SNX8: variants seen among roughly 807,000 people sequenced by gnomAD.
The protein encoded by SNX8 is sorting nexin-8.
A neutral mutation model predicts 51.6 loss-of-function variants in SNX8; 25 were observed. The ratio of observed to expected loss-of-function variants is 0.48; its 90% confidence interval spans 0.35 to 0.68. SNX8 has a LOEUF of 0.68. SNX8 is among the 30% of genes least tolerant of loss of function. SNX8 has a pLI of 0.00. For synonymous variants in SNX8, 324 were observed against 277.0 expected, an observed-to-expected ratio of 1.17 and a Z score of -1.68; for missense variants, 695 against 624.0, an observed-to-expected ratio of 1.11 and a Z score of -1.21.
At chr7:2,271,816 G>T (rs1318599366) in intron 4 of SNX8, 34 bp downstream of exon 4, 3 of 1,572,862 alleles carry the variant, frequency 1.9e-6, no homozygotes, top group African/African-American at 1.3e-5. Context: ...GGGACTCCCC[G>T]GGGCCGGGAC....
In SNX8 at chr7:2,327,746, G is replaced by C. The variant is rs146770076; in HGVS notation, c.-66+26476C>G. Among the ~76,000 whole-genome samples, 1,080 of 151,888 alleles carry C rather than the reference G, an allele frequency of 7.1e-3. 12 individuals are homozygous for C. The highest frequency in any genetic ancestry group is 0.024 in the African/African-American group (1,003 of 41,368). On this transcript the variant is annotated intron_variant, in intron 1 of 5. Coordinates refer to the SNX8 transcript ENST00000435336. ...TTAAGTAGAGACGGGGTTTCACCGT[G>C]TTAGCCAGGATGGTCTCTATCTCCT...
intron 1 of SNX8, among the ~76,000 whole-genome samples, chr7:2,290,912 C>T (rs920387700): frequency 4.6e-5 from 7 of 152,198 alleles, no homozygotes; most frequent in East Asian, 1.9e-4. Flanking sequence ...GAAACACTGC[C>T]GCATCGTCAG....
chr7:2,338,969 G>A (rs1778876135), intron 1 of SNX8, among the ~76,000 whole-genome samples: 1 of 152,082 alleles, frequency 6.6e-6, no homozygotes, highest in South Asian at 2.1e-4. Context: ...GGAGTGCACT[G>A]GCACAATCCC....
At chr7:2,329,076 ACT>A (rs1778682074) in intron 1 of SNX8, among the ~76,000 whole-genome samples, 1 of 144,174 alleles carries the variant, frequency 6.9e-6, no homozygotes, top group Non-Finnish European at 1.5e-5. Context: ...ACAGAGTGAG[ACT>A]CTGTCTCAAA....
chr7:2,283,029 G>A (rs1310762963), intron 1 of SNX8, among the ~76,000 whole-genome samples: 1 of 151,930 alleles, frequency 6.6e-6, no homozygotes, highest in Non-Finnish European at 1.5e-5. Flanking sequence ...GCTGAGGCAG[G>A]AGAATGGTGT....
chr7:2,321,212 T>C (rs1340034528), intron 1 of SNX8, among the ~76,000 whole-genome samples: 1 of 151,976 alleles, frequency 6.6e-6, no homozygotes, highest in African/African-American at 2.4e-5. Context: ...GTGAGGGCTG[T>C]GGCAGGAAAC....
chr7:2,262,197 CT>C (rs932299429), intron 7 of SNX8, among the ~76,000 whole-genome samples: 1 of 152,110 alleles, frequency 6.6e-6, no homozygotes, highest in African/African-American at 2.4e-5. Flanking sequence ...ACCACCACCC[CT>C]GGCTAATTTT....
intron 1 of SNX8, among the ~76,000 whole-genome samples, chr7:2,347,041 A>C (rs1057389755): frequency 1.3e-5 from 2 of 152,102 alleles, no homozygotes; most frequent in African/African-American, 4.8e-5. Context: ...AAGTCAAATA[A>C]GTCTTTGAAC....
intron 1 of SNX8, chr7:2,288,482 C>G (rs1427260352): frequency 6.0e-6 from 1 of 165,684 alleles, no homozygotes; most frequent in Non-Finnish European, 1.5e-5. Flanking sequence ...ACACACATTA[C>G]AGACACACGT....
intron 1 of SNX8, among the ~76,000 whole-genome samples, chr7:2,297,052 ATG>A (rs1007995442): frequency 1.4e-4 from 22 of 152,214 alleles, no homozygotes; most frequent in African/African-American, 5.1e-4. Flanking sequence ...CCCAGCCAGA[ATG>A]GCTATTATTA....
chr7:2,313,150 C>T (rs1197292597), intron 1 of SNX8, among the ~76,000 whole-genome samples: 1 of 151,946 alleles, frequency 6.6e-6, no homozygotes, highest in Non-Finnish European at 1.5e-5. Context: ...CCGCCCGCCT[C>T]GGCCTCCCAA....
intron 7 of SNX8, among the ~76,000 whole-genome samples, chr7:2,259,882 A>G (rs1274278631): frequency 1.3e-5 from 2 of 152,136 alleles, no homozygotes; most frequent in African/African-American, 4.8e-5. Flanking sequence ...GCCCTAAACC[A>G]GGGGTGTCCA....
intron 1 of SNX8, among the ~76,000 whole-genome samples, chr7:2,306,670 C>T (rs991021280): frequency 6.6e-6 from 1 of 151,992 alleles, no homozygotes; most frequent in Non-Finnish European, 1.5e-5. Flanking sequence ...ACATACAAAG[C>T]AATGCACAGG....
intron 3 of SNX8, among the ~76,000 whole-genome samples, chr7:2,273,989 G>T (rs1408330691): frequency 6.6e-6 from 1 of 152,110 alleles, no homozygotes; most frequent in East Asian, 1.9e-4. Context: ...GCACTGGCAG[G>T]CCTCTTCCGA....
At chr7:2,318,651 C>A (rs1056406874), upstream of SNX8, among the ~76,000 whole-genome samples, 3 of 151,302 alleles carry the variant, frequency 2.0e-5, no homozygotes, top group Non-Finnish European at 4.4e-5. Flanking sequence ...CCTGAGATTG[C>A]GCCATTGTAC....
chr7:2,335,430 C>T (rs1262260912), intron 1 of SNX8, among the ~76,000 whole-genome samples: 1 of 152,004 alleles, frequency 6.6e-6, no homozygotes, highest in Non-Finnish European at 1.5e-5. Flanking sequence ...GAGAACATTG[C>T]TTGAGGCCAG....
chr7:2,309,139 G>T (rs1160218358), intron 1 of SNX8, among the ~76,000 whole-genome samples: 1 of 152,020 alleles, frequency 6.6e-6, no homozygotes, highest in Non-Finnish European at 1.5e-5. Flanking sequence ...TGCCCAGGCT[G>T]GCCTCAAACT....
chr7:2,274,271 G>A (rs1795722515), intron 3 of SNX8, among the ~76,000 whole-genome samples: 1 of 152,242 alleles, frequency 6.6e-6, no homozygotes, highest in Admixed American at 6.5e-5. Context: ...AGAGGCAGAA[G>A]CATTTATGCA....
chr7:2,327,690 A>G (rs1778650136), intron 1 of SNX8, among the ~76,000 whole-genome samples: 1 of 147,718 alleles, frequency 6.8e-6, no homozygotes, highest in South Asian at 2.2e-4. Context: ...TACAGGCGTG[A>G]GCCATCGCAC....
Sources: allele counts gnomAD v4.1 joint callset (sites outside exome capture counted in the v4.1 genomes callset), GRCh38; gene constraint gnomAD v4.1.1; transcripts MANE v1.5; gene names NCBI Gene and HGNC (gene_info 2026-07-23, HGNC 2026-07-21).